Variants in CCDC170 observed in about 807,000 individuals in gnomAD.
CCDC170 encodes coiled-coil domain-containing protein 170.
CCDC170 carries 69 observed loss-of-function variants against 72.6 expected under a neutral mutation model. That is an observed-to-expected ratio of 0.95 (90% CI 0.78 to 1.16). CCDC170 has a LOEUF of 1.16. Among genes scored for constraint, CCDC170 ranks in the 50% most tolerant of loss-of-function variants. The pLI is 0.00. For synonymous variants in CCDC170, 300 were observed against 303.9 expected (o/e 0.99, Z 0.13); for missense variants, 852 against 832.5 (o/e 1.02, Z -0.29).
At chr6:151,527,708 A>AG (rs1463725705) in intron 1 of CCDC170, among the ~76,000 whole-genome samples, 1 of 151,970 alleles carries the variant, frequency 6.6e-6, no homozygotes, top group East Asian at 1.9e-4. Context: ...AAAGAGAGAG[A>AG]GGGAGAGGTA....
chr6:151,525,481 C>T (rs1017527418), intron 1 of CCDC170, among the ~76,000 whole-genome samples: 1 of 152,186 alleles, frequency 6.6e-6, no homozygotes, highest in Admixed American at 6.5e-5. Context: ...AATACACCCT[C>T]CCCACCCTTG....
In CCDC170 at chr6:151,560,056, TATGTTTTTG is replaced by T. The variant is rs376236873; in HGVS notation, c.774+11572_774+11580del. Among the ~76,000 whole-genome samples, 403 of 152,292 alleles carry T rather than the reference TATGTTTTTG, an allele frequency of 2.6e-3. 1 individual carries two copies. Among genetic ancestry groups the T allele is most frequent in the African/African-American group, 9.3e-3 (387 of 41,578 alleles). On this transcript the variant is annotated intron_variant, in intron 5 of 10. Coordinates refer to ENST00000239374, the MANE Select transcript of CCDC170 (RefSeq NM_025059.4). The stretch of plus-strand genomic sequence containing the variant: ...TTAGGTTGTTAATTTGAGATCTTTC[TATGTTTTTG>T]ATGTATGCATTTAGCAATATATTTT...
At chr6:151,552,767 A>C (rs1242408744) in intron 5 of CCDC170, among the ~76,000 whole-genome samples, 1 of 148,320 alleles carries the variant, frequency 6.7e-6, no homozygotes, top group East Asian at 2.0e-4. Context: ...AAACCAGCCA[A>C]ATCAGCCAAT....
chr6:151,609,705 A>G (rs1188765760), intron 9 of CCDC170, among the ~76,000 whole-genome samples: 1 of 152,142 alleles, frequency 6.6e-6, no homozygotes, highest in African/African-American at 2.4e-5. Flanking sequence ...GAAGATTAAG[A>G]AACCGACTTA....
intron 5 of CCDC170, among the ~76,000 whole-genome samples, chr6:151,560,505 A>G (rs1310634752): frequency 1.3e-5 from 2 of 152,148 alleles, no homozygotes; most frequent in African/African-American, 2.4e-5. Flanking sequence ...GTTTAAGTCC[A>G]GACCTTCTTT....
At chr6:151,575,808 G>A (rs796657230) in intron 6 of CCDC170, among the ~76,000 whole-genome samples, 24 of 152,154 alleles carry the variant, frequency 1.6e-4, no homozygotes, top group African/African-American at 4.1e-4. Context: ...GATTATAGGC[G>A]TGAGCCACCG....
At chr6:151,607,903 A>G (rs1487043728) in intron 9 of CCDC170, among the ~76,000 whole-genome samples, 1 of 152,108 alleles carries the variant, frequency 6.6e-6, no homozygotes, top group African/African-American at 2.4e-5. Flanking sequence ...GACATTTTCA[A>G]CTAGTATTTC....
At chr6:151,599,738 C>T (rs1222231508) in intron 9 of CCDC170, among the ~76,000 whole-genome samples, 1 of 152,064 alleles carries the variant, frequency 6.6e-6, no homozygotes, top group African/African-American at 2.4e-5. Flanking sequence ...AAGGAGTGTC[C>T]ACTATACTTG....
At chr6:151,521,213 T>G (rs1360336735) in intron 1 of CCDC170, among the ~76,000 whole-genome samples, 2 of 152,308 alleles carry the variant, frequency 1.3e-5, no homozygotes, top group East Asian at 3.9e-4. Context: ...GCTCTGGTTA[T>G]AAAGGAGACA....
intron 5 of CCDC170, among the ~76,000 whole-genome samples, chr6:151,558,231 T>TG (rs1206250576): frequency 3.2e-4 from 35 of 107,888 alleles, no homozygotes; most frequent in African/African-American, 1.1e-3. Context: ...TTGAGATTAG[T>TG]GTTTTTTTTT....
At chr6:151,553,057 G>T (rs985012032) in intron 5 of CCDC170, among the ~76,000 whole-genome samples, 2 of 152,090 alleles carry the variant, frequency 1.3e-5, no homozygotes, top group African/African-American at 4.8e-5. Context: ...AAAGTGCTGG[G>T]ATTACAGGCA....
intron 9 of CCDC170, among the ~76,000 whole-genome samples, chr6:151,598,042 T>C (rs919428280): frequency 6.6e-6 from 1 of 152,160 alleles, no homozygotes; most frequent in Non-Finnish European, 1.5e-5. Context: ...CCTTCTGCCA[T>C]TGGGGCTAGA....
At chr6:151,533,756 T>G (rs957546280) in intron 1 of CCDC170, among the ~76,000 whole-genome samples, 1 of 152,198 alleles carries the variant, frequency 6.6e-6, no homozygotes, top group Non-Finnish European at 1.5e-5. Context: ...TTAGCTGCCT[T>G]TTTGCCTTCC....
At position 151,508,708 on chromosome 6, in the gene CCDC170, G is replaced by C. The variant is rs922486287; in HGVS notation, c.57+14523G>C. On this transcript the variant is annotated intron_variant, in intron 1 of 10. Coordinates refer to ENST00000239374, the MANE Select transcript of CCDC170 (RefSeq NM_025059.4). ...AGCCTGGGTGACAGAGTGAGACTCT[G>C]TCTCAAATAAATAAATAAATAAATA... 3.4e-4 allele frequency among the ~76,000 whole-genome samples: 51 copies of C among 149,110 alleles called. 1 individual carries two copies. Among genetic ancestry groups the C allele is most frequent in the African/African-American group, 1.2e-3 (50 of 40,818 alleles).
intron 8 of CCDC170, among the ~76,000 whole-genome samples, chr6:151,593,648 A>G (rs1168101912): frequency 6.6e-6 from 1 of 152,180 alleles, no homozygotes; most frequent in African/African-American, 2.4e-5. Flanking sequence ...CAGCTGATTC[A>G]CTTCCCATCC....
At chr6:151,516,699 T>G (rs576465691) in intron 1 of CCDC170, among the ~76,000 whole-genome samples, 1 of 152,144 alleles carries the variant, frequency 6.6e-6, no homozygotes, top group Non-Finnish European at 1.5e-5. Context: ...ACTGGTCAGC[T>G]CTAGACTGTA....
At chr6:151,613,444 A>G (rs1776907196) in intron 9 of CCDC170, among the ~76,000 whole-genome samples, 1 of 152,234 alleles carries the variant, frequency 6.6e-6, no homozygotes, top group African/African-American at 2.4e-5. Context: ...ATATGCACAT[A>G]TATAGCAAAT....
At chr6:151,611,730 C>T (rs945713522) in intron 9 of CCDC170, among the ~76,000 whole-genome samples, 8 of 151,648 alleles carry the variant, frequency 5.3e-5, no homozygotes, top group Non-Finnish European at 7.4e-5. Flanking sequence ...TGTTTTTTTG[C>T]GACGGAGTCT....
Position 151,618,308 on chromosome 6 carries a change from C to T in CCDC170, c.*161C>T. On this transcript the variant is annotated 3_prime_UTR_variant, in exon 11 of 11. Coordinates refer to ENST00000239374, the MANE Select transcript of CCDC170 (RefSeq NM_025059.4). ...GCAAAAACGATCTCAAAAGTGTCAG[C>T]CTTAGATAAACGTTCAGCATTAAAA... 1.6e-6 allele frequency: 1 copy of T among 624,110 alleles called. No individual in the cohort carries two copies. Among genetic ancestry groups the T allele is most frequent in the Non-Finnish European group, 2.7e-6 (1 of 367,770 alleles). 38.7% of individuals were successfully genotyped at this position (624,110 alleles called of 1,614,324 possible).
Sources: allele counts gnomAD v4.1 joint callset (sites outside exome capture counted in the v4.1 genomes callset), GRCh38; gene constraint gnomAD v4.1.1; transcripts MANE v1.5; gene names NCBI Gene and HGNC (gene_info 2026-07-23, HGNC 2026-07-21).